Variants in GPATCH8 observed in about 807,000 individuals in gnomAD.
GPATCH8 encodes the protein G-patch domain containing 8.
GPATCH8 carries 18 observed loss-of-function variants against 118.3 expected under a neutral mutation model. That is an observed-to-expected ratio of 0.15 (90% confidence interval 0.11 to 0.23). The LOEUF (loss-of-function observed/expected upper bound fraction) is 0.23, where lower values mean the gene tolerates loss of function less well. Among genes scored for constraint, GPATCH8 ranks in the 10% least tolerant of loss-of-function variants. The pLI, the probability that GPATCH8 is intolerant of heterozygous loss-of-function variation, is 1.00. For synonymous variants in GPATCH8, 659 were observed against 684.7 expected, an observed-to-expected ratio of 0.96 and a Z score of 0.59; for missense variants, 1,631 against 1,873.8, an observed-to-expected ratio of 0.87 and a Z score of 2.39.
chr17:44,434,579 C>T (rs2050432096), intron 5 of GPATCH8, among the ~76,000 whole-genome samples: 1 of 152,198 alleles, frequency 6.6e-6, no homozygotes, highest in Admixed American at 6.5e-5. Flanking sequence ...GTGGCTCACG[C>T]CTGTAATCCC....
intron 2 of GPATCH8, among the ~76,000 whole-genome samples, chr17:44,471,872 T>TAA (rs34968232): frequency 2.3e-5 from 3 of 128,508 alleles, no homozygotes; most frequent in East Asian, 4.6e-4. Context: ...CCAAAAAAAG[T>TAA]AAAAAAAAAA....
rs754503395 is a variant in GPATCH8, at chr17:44,397,828, A to G, written c.4249T>C (p.Ser1417Pro). The G allele has an allele frequency of 1.3e-6, 2 of 1,593,198 alleles. No individual in the cohort carries two copies. ...ATTGAGTGAGTGAGGTGGGACAAAGAAATGGGGGTCAGATGGGGCTGGGGA... is the reference window on the plus strand; with the variant it reads ...ATTGAGTGAGTGAGGTGGGACAAAGGAATGGGGGTCAGATGGGGCTGGGGA... ...HIPQPHLTPI[S>P]LSHLTHSIIP... The change falls in exon 8 of 8, where the codon TCT (serine) becomes CCT (proline). Residue 1417 changes from serine (S) to proline (P), a missense_variant. This residue lies in a region of GPATCH8 where 111 missense variants were observed against 112.4 expected (regional missense o/e 0.99). Transcript: ENST00000591680.
rs1268863534 is a variant in GPATCH8, at chr17:44,464,509, C to G, written c.156G>C (p.Gly52=). The part of the protein sequence containing the change: ...NIGHRLLQKH[G]WKLGQGLGKS... ...TTCCCAATCCCTGGCCCAGCTTCCA[C>G]CCATGTTTCTGGAGTAAGCGGTGTC... The change falls in exon 3 of 8, where the codon GGG becomes GGC. Residue 52 remains glycine (G), a synonymous_variant. Transcript: ENST00000591680. The G allele has an allele frequency of 6.2e-7, 1 of 1,605,890 alleles. No homozygotes were observed. Among genetic ancestry groups the G allele is most frequent in the African/African-American group, 1.3e-5 (1 of 74,726 alleles).
intron 2 of GPATCH8, chr17:44,464,932 G>GT: frequency 1.3e-5 from 2 of 153,570 alleles, no homozygotes; most frequent in South Asian, 1.8e-4. Context: ...ACCACTTTAA[G>GT]ATTTTTTTTT....
intron 4 of GPATCH8, among the ~76,000 whole-genome samples, chr17:44,435,653 G>A (rs1358548988): frequency 1.3e-5 from 2 of 148,198 alleles, no homozygotes; most frequent in Non-Finnish European, 3.0e-5. Flanking sequence ...CTCACCTCAG[G>A]TGATCTGCTT....
intron 6 of GPATCH8, among the ~76,000 whole-genome samples, chr17:44,423,500 A>G (rs1480499818): frequency 1.3e-5 from 2 of 152,202 alleles, no homozygotes; most frequent in Admixed American, 6.5e-5. Context: ...TCTTAGTTCA[A>G]CAAGTCCAGC....
chr17:44,492,488 C>T (rs894253474), intron 1 of GPATCH8, among the ~76,000 whole-genome samples: 1 of 151,542 alleles, frequency 6.6e-6, no homozygotes, highest in East Asian at 1.9e-4. Flanking sequence ...AGGAGAATGG[C>T]GTGAACCTGG....
rs535642961 is a variant in GPATCH8, at chr17:44,490,612, T to C, written c.45+12714A>G. The stretch of plus-strand genomic sequence containing the variant: ...GTTTTTCATTTATGCTGATCAGGAA[T>C]TTAAGTTCAAAAGGGTCAGACTGGA... On this transcript the variant is annotated intron_variant, in intron 1 of 7. Coordinates refer to ENST00000591680, the MANE Select transcript of GPATCH8 (RefSeq NM_001002909.4). 1.1e-4 allele frequency among the ~76,000 whole-genome samples: 16 copies of C among 151,900 alleles called. No individual in the cohort carries two copies. The South Asian group carries it at 3.1e-3, about 30-fold the overall frequency.
chr17:44,417,019 T>C (rs1338978785), intron 6 of GPATCH8, among the ~76,000 whole-genome samples: 1 of 152,112 alleles, frequency 6.6e-6, no homozygotes, highest in Non-Finnish European at 1.5e-5. Context: ...TACTGAATCC[T>C]ACAGTTAAAG....
rs77516961 is a variant in GPATCH8 at position 44,498,001 on chromosome 17, C to G, written c.45+5325G>C. On this transcript the variant is annotated intron_variant, in intron 1 of 7. Coordinates refer to ENST00000591680, the MANE Select transcript of GPATCH8 (RefSeq NM_001002909.4). ...TCCTTTTAAAAATTTTTATCATGTA[C>G]CCAGATAGACAGAAATCACATGGAA... Among the ~76,000 whole-genome samples, 1,504 of 151,870 alleles carry G rather than the reference C, an allele frequency of 9.9e-3. 18 individuals are homozygous for G. Among genetic ancestry groups the G allele is most frequent in the African/African-American group, 0.034 (1,425 of 41,424 alleles).
At position 44,398,527 on chromosome 17, in the gene GPATCH8, T is replaced by A. The variant is rs371869699; in HGVS notation, c.3550A>T (p.Ser1184Cys). The change falls in exon 8 of 8, where the codon AGT becomes TGT. Residue 1184 changes from serine to cysteine, a missense_variant. By Grantham distance (112) the Ser-to-Cys change is moderately radical. Around this residue, in one of 8 missense-constraint regions of GPATCH8, gnomAD observed 922 missense variants for 879.7 expected, o/e 1.05. Transcript: ENST00000591680. ...TGATGCCCAAATAGGGCATCACTAC[T>A]CCCTGGGGGCCCCTCTTCTGTCTCT... ...QSETEEGPPG[S>C]SDALFGHQFP... 1 of 1,596,052 alleles carries A rather than the reference T, an allele frequency of 6.3e-7. No individual in the cohort carries two copies. Among genetic ancestry groups the A allele is most frequent in the Non-Finnish European group, 8.5e-7 (1 of 1,172,192 alleles).
intron 3 of GPATCH8, among the ~76,000 whole-genome samples, chr17:44,461,875 G>A (rs968780422): frequency 6.6e-6 from 1 of 151,460 alleles, no homozygotes; most frequent in Non-Finnish European, 1.5e-5. Flanking sequence ...GGGGTGGGGT[G>A]TAGGGGGAGA....
chr17:44,487,135 CCA>C (rs1396806615), intron 1 of GPATCH8, among the ~76,000 whole-genome samples: 11 of 152,138 alleles, frequency 7.2e-5, no homozygotes, highest in African/African-American at 1.7e-4. Context: ...CTCAAAAAAT[CCA>C]CAGTGTCCAC....
At chr17:44,479,546 T>C (rs1469584683) in intron 1 of GPATCH8, among the ~76,000 whole-genome samples, 1 of 152,130 alleles carries the variant, frequency 6.6e-6, no homozygotes, top group East Asian at 1.9e-4. Context: ...CAAAATGCAC[T>C]GCAGACCTAA....
chr17:44,431,378 G>GAAAAAAAAA (rs776468380), intron 5 of GPATCH8, among the ~76,000 whole-genome samples: 2 of 47,806 alleles, frequency 4.2e-5, no homozygotes, highest in African/African-American at 7.0e-5. Context: ...TCTCAAAAAG[G>GAAAAAAAAA]AAAAAAAAAA....
intron 1 of GPATCH8, among the ~76,000 whole-genome samples, chr17:44,491,382 G>C (rs1308008878): frequency 6.6e-6 from 1 of 151,732 alleles, no homozygotes; most frequent in Non-Finnish European, 1.5e-5. Flanking sequence ...CCAGCTGCTT[G>C]GGAGGCTGAA....
chr17:44,446,378 A>G, intron 3 of GPATCH8, among the ~76,000 whole-genome samples: 1 of 152,242 alleles, frequency 6.6e-6, no homozygotes, highest in Non-Finnish European at 1.5e-5. Flanking sequence ...CATCCTGGCT[A>G]ACACGGCGAA....
intron 1 of GPATCH8, chr17:44,486,720 C>T (rs1470574001): frequency 3.9e-5 from 6 of 152,130 alleles, no homozygotes; most frequent in Non-Finnish European, 7.3e-5. Context: ...GAAAGCCCTC[C>T]TTTCTCCGTT....
intron 2 of GPATCH8, chr17:44,465,712 C>T (rs2051735481): frequency 6.6e-6 from 1 of 152,040 alleles, no homozygotes; most frequent in African/African-American, 2.4e-5. Flanking sequence ...TTTGAAAATC[C>T]CATATTTCCT....
Sources: allele counts gnomAD v4.1 joint callset (sites outside exome capture counted in the v4.1 genomes callset), GRCh38; gene constraint gnomAD v4.1.1; regional missense constraint gnomAD v4.1.1; transcripts MANE v1.5; gene names NCBI Gene and HGNC (gene_info 2026-07-23, HGNC 2026-07-21).